ARHGEF17: variants seen among roughly 807,000 people sequenced by gnomAD.
ARHGEF17 encodes the protein 164 kDa Rho-specific guanine-nucleotide exchange factor.
ARHGEF17 carries 80 observed loss-of-function variants against 174.0 expected under a neutral mutation model. The observed-to-expected ratio is 0.46, with a 90% CI of 0.38 to 0.55. ARHGEF17 has a LOEUF of 0.55. ARHGEF17 is among the 20% of genes least tolerant of loss of function. The pLI is 0.00. For synonymous variants in ARHGEF17, 1,311 were observed against 1,189.1 expected (o/e 1.10, Z -2.11); for missense variants, 2,886 against 2,839.7 (o/e 1.02, Z -0.37).
chr11:73,357,415 C>A (rs1171427849), intron 9 of ARHGEF17, 88 bp downstream of exon 9: 8 of 1,248,912 alleles, frequency 6.4e-6, no homozygotes, highest in African/African-American at 3.0e-5. Context: ...GTCTGGCTGC[C>A]TGTCCAGCTG....
chr11:73,316,907 A>G (rs935199484), intron 1 of ARHGEF17, among the ~76,000 whole-genome samples: 1 of 152,332 alleles, frequency 6.6e-6, no homozygotes, highest in South Asian at 2.1e-4. Context: ...TAATCTGGAC[A>G]AGAGATGATG....
chr11:73,364,162 C>T lies in ARHGEF17; in HGVS notation c.5334-10C>T. On this transcript the variant is annotated splice_polypyrimidine_tract_variant and intron_variant, in intron 16 of 20. Transcript: ENST00000263674. ...GAACTCCCTTACTGCTTCCTCTTTT[C>T]CCTACCCAGGTATCTGAATAACCAG... The T allele has an allele frequency of 6.2e-7, 1 of 1,614,030 alleles. No individual in the cohort carries two copies. Among genetic ancestry groups the T allele is most frequent in the Middle Eastern group, 1.6e-4 (1 of 6,062 alleles).
chr11:73,319,693 A>AT (rs1864984683), intron 1 of ARHGEF17, among the ~76,000 whole-genome samples: 1 of 152,192 alleles, frequency 6.6e-6, no homozygotes, highest in South Asian at 2.1e-4. Context: ...TCATTCATTC[A>AT]TTTAGCAGTC....
In ARHGEF17 at chr11:73,309,093, G is replaced by A; in HGVS notation, c.455G>A (p.Ser152Asn). The A allele has an allele frequency of 3.9e-6, 6 of 1,547,006 alleles. No individual in the cohort carries two copies. Among genetic ancestry groups the A allele is most frequent in the Non-Finnish European group, 5.2e-6 (6 of 1,150,504 alleles). ...SADSESPGTP[S>N]PDGAAWEPPA... Reference sequence around the variant, plus strand: ...GACTCTGAATCCCCAGGAACGCCCAGCCCCGACGGTGCCGCGTGGGAGCCT... The same window carrying A: ...GACTCTGAATCCCCAGGAACGCCCAACCCCGACGGTGCCGCGTGGGAGCCT... Residue 152 changes from serine to asparagine, a missense_variant, in exon 1 of 21, where the codon AGC (serine) becomes AAC (asparagine). Ser to Asn is a conservative substitution (Grantham distance 46). This residue lies in a region of ARHGEF17 where 1,728 missense variants were observed against 1,461.2 expected (regional missense o/e 1.18). Transcript: ENST00000263674.
intron 3 of ARHGEF17, among the ~76,000 whole-genome samples, chr11:73,354,643 G>A (rs538558780): frequency 6.6e-6 from 1 of 152,162 alleles, no homozygotes; most frequent in South Asian, 2.1e-4. Flanking sequence ...GAACCTGGGT[G>A]GCGGAGGTTG....
At position 73,362,738 on chromosome 11, in the gene ARHGEF17, A is replaced by C. The variant is rs760307054; in HGVS notation, c.4996+4A>C. The C allele has an allele frequency of 6.3e-7, 1 of 1,596,410 alleles. No homozygotes were observed. Among genetic ancestry groups the C allele is most frequent in the Non-Finnish European group, 8.5e-7 (1 of 1,173,464 alleles). ...ACCATCTCCTCCAGCTTTGGCAGTG[A>C]GCTTTGGCCATCTCCTCCAACTTGG... is the stretch of plus-strand genomic sequence containing the variant. On this transcript the variant is annotated splice_donor_region_variant and intron_variant, in intron 14 of 20. Coordinates refer to ENST00000263674, the MANE Select transcript of ARHGEF17 (RefSeq NM_014786.4).
intron 1 of ARHGEF17, among the ~76,000 whole-genome samples, chr11:73,335,488 G>A (rs1865271715): frequency 6.6e-6 from 1 of 152,080 alleles, no homozygotes; most frequent in African/African-American, 2.4e-5. Context: ...CAGCCTGGAA[G>A]GTCCAGCTGT....
chr11:73,357,419 C>A, intron 9 of ARHGEF17, 92 bp downstream of exon 9: 2 of 1,236,516 alleles, frequency 1.6e-6, no homozygotes, highest in South Asian at 1.4e-5. Flanking sequence ...GGCTGCCTGT[C>A]CAGCTGCTTT....
At position 73,364,160 on chromosome 11, in the gene ARHGEF17, T is replaced by G. The variant is rs1347558200; in HGVS notation, c.5334-12T>G. 1 of 1,614,002 alleles carries G rather than the reference T, an allele frequency of 6.2e-7. No homozygotes were observed. The highest frequency in any genetic ancestry group is 1.1e-5 in the South Asian group (1 of 91,080). The stretch of plus-strand genomic sequence containing the variant: ...CTGAACTCCCTTACTGCTTCCTCTT[T>G]TCCCTACCCAGGTATCTGAATAACC... On this transcript the variant is annotated splice_polypyrimidine_tract_variant and intron_variant, in intron 16 of 20. Coordinates refer to ENST00000263674, the MANE Select transcript of ARHGEF17 (RefSeq NM_014786.4).
Position 73,311,615 on chromosome 11 carries a change from C to A in ARHGEF17, c.2977C>A (p.Arg993=). Residue 993 remains arginine (R), a synonymous_variant, in exon 1 of 21, where the codon CGA becomes AGA. Transcript: ENST00000263674. The part of the protein sequence containing the change: ...AVPEPIGFPT[R]AHPTLQAPSL... ...GCCAGAACCCATAGGCTTCCCTACC[C>A]GAGCCCATCCCACGTTGCAGGCACC... The A allele has an allele frequency of 6.2e-7, 1 of 1,613,342 alleles. No individual in the cohort carries two copies. Among genetic ancestry groups the A allele is most frequent in the Non-Finnish European group, 8.5e-7 (1 of 1,179,894 alleles).
In ARHGEF17 at chr11:73,362,204, C is replaced by T. The variant is rs748950860; in HGVS notation, c.4659C>T (p.Ile1553=). 13 of 1,559,290 alleles carry T rather than the reference C, an allele frequency of 8.3e-6. No individual in the cohort carries two copies. Among genetic ancestry groups the T allele is most frequent in the Admixed American group, 5.6e-5 (3 of 53,736 alleles). Residue 1553 remains isoleucine (I), a synonymous_variant, in exon 13 of 21, where the codon ATC becomes ATT. Transcript: ENST00000263674. ...TCTGTTCCGCCCGCATCCTCTGCAT[C>T]GGGGCGGTGCCCGGGCTGCAGCCTC... ...IAVCSARILC[I]GAVPGLQPRC...
rs1271043105 is a variant in ARHGEF17, at chr11:73,365,678, G to T, written c.5726G>T (p.Gly1909Val). 6.2e-7 allele frequency: 1 copy of T among 1,611,866 alleles called. No individual in the cohort carries two copies. Among genetic ancestry groups the T allele is most frequent in the Non-Finnish European group, 8.5e-7 (1 of 1,178,646 alleles). ...VTPPVHRMLA[G>V]SDAIIRQHKA... ...AGCTGTGGTCTGTCTCCCACCCCAG[G>T]CTCGGATGCCATCATCCGGCAGCAC... Residue 1909 changes from glycine to valine, a missense_variant and splice_region_variant, in exon 20 of 21, where the codon GGC becomes GTC. Around this residue, in one of 4 missense-constraint regions of ARHGEF17, gnomAD observed 329 missense variants for 435.2 expected, o/e 0.76. Coordinates refer to ENST00000263674, the MANE Select transcript of ARHGEF17 (RefSeq NM_014786.4). This position sits in a 1 kb window ranked among gnomAD's most constrained non-coding sequence, Gnocchi z 4.9.
intron 3 of ARHGEF17, 50 bp from the exon 4 acceptor site, chr11:73,355,483 G>T: frequency 8.1e-7 from 1 of 1,239,758 alleles, no homozygotes; most frequent in South Asian, 1.2e-5. Context: ...ACAGGGTGAG[G>T]TGGGGTGAGG....
chr11:73,311,921 T>TCAGGTGCC (rs1864845176), intron 1 of ARHGEF17, 91 bp downstream of exon 1: 6 of 1,427,436 alleles, frequency 4.2e-6, no homozygotes, highest in Non-Finnish European at 5.6e-6. Context: ...TATTCACTGG[T>TCAGGTGCC]CAGGTGCCCA....
Position 73,309,154 on chromosome 11 carries a change from C to A in ARHGEF17, c.516C>A (p.Pro172=). 1 of 1,588,106 alleles carries A rather than the reference C, an allele frequency of 6.3e-7. No individual in the cohort carries two copies. The highest frequency in any genetic ancestry group is 8.6e-7 in the Non-Finnish European group (1 of 1,168,560). Residue 172 remains proline (P), a synonymous_variant, in exon 1 of 21, where the codon CCC becomes CCA. Coordinates refer to ENST00000263674, the MANE Select transcript of ARHGEF17 (RefSeq NM_014786.4). ...AGTCGCGGCAGCCACCGACGCCACC[C>A]CCTCGGACATGCTTCCCCCTGGCGG... is the stretch of plus-strand genomic sequence containing the variant. ...ARESRQPPTP[P]PRTCFPLAGL... is the part of the protein sequence containing the mutation.
chr11:73,361,600 G>A (rs780343341), intron 12 of ARHGEF17, among the ~76,000 whole-genome samples: 1 of 152,146 alleles, frequency 6.6e-6, no homozygotes. Flanking sequence ...GGTGGCTTAC[G>A]TCTGTAATTC....
intron 10 of ARHGEF17, 130 bp from the exon 11 acceptor site, chr11:73,360,190 G>T: frequency 9.3e-7 from 1 of 1,075,870 alleles, no homozygotes; most frequent in South Asian, 1.5e-5. Flanking sequence ...TATATCAAAG[G>T]AATCCAGGTC....
At chr11:73,321,464 A>C (rs1865016480) in intron 1 of ARHGEF17, among the ~76,000 whole-genome samples, 1 of 152,220 alleles carries the variant, frequency 6.6e-6, no homozygotes, top group Non-Finnish European at 1.5e-5. Flanking sequence ...ATAAGGGTTA[A>C]AATCACAACT....
At chr11:73,337,788 C>T (rs1270269893) in intron 1 of ARHGEF17, among the ~76,000 whole-genome samples, 1 of 152,188 alleles carries the variant, frequency 6.6e-6, no homozygotes, top group Non-Finnish European at 1.5e-5. Context: ...GGACCATCAC[C>T]CTCACCAGTT....
Sources: allele counts gnomAD v4.1 joint callset (sites outside exome capture counted in the v4.1 genomes callset), GRCh38; gene constraint gnomAD v4.1.1; regional missense constraint gnomAD v4.1.1; non-coding constraint Gnocchi (gnomAD v3.1); transcripts MANE v1.5; gene names NCBI Gene and HGNC (gene_info 2026-07-23, HGNC 2026-07-21).